The following SLC4A4 variants were observed in gnomAD, a reference collection of about 807,000 sequenced individuals.
SLC4A4 encodes the protein solute carrier family 4 member 4, also known as electrogenic sodium bicarbonate cotransporter 1.
SLC4A4 carries 27 observed loss-of-function variants against 111.5 expected under a neutral mutation model. That is an observed-to-expected ratio of 0.24 (90% CI 0.18 to 0.33). The LOEUF is 0.33. Ranked by LOEUF, SLC4A4 falls within the 10% of genes least tolerant of loss-of-function variation. SLC4A4 has a pLI of 1.00. For missense variants in SLC4A4, 909 were observed against 1,315.5 expected (o/e 0.69, Z 4.78); for synonymous variants, 443 against 463.4 (o/e 0.96, Z 0.57).
intron 1 of SLC4A4, among the ~76,000 whole-genome samples, chr4:71,221,169 A>C (rs1206731957): frequency 6.6e-6 from 1 of 152,224 alleles, no homozygotes; most frequent in African/African-American, 2.4e-5. Flanking sequence ...ATAGTGCTGC[A>C]GTGAACATTC....
rs1208660425 is a variant in SLC4A4, at chr4:71,114,351, A to C, written c.-2+21559A>C. 8.6e-5 allele frequency among the ~76,000 whole-genome samples: 13 copies of C among 151,876 alleles called. No homozygotes were observed. The South Asian group carries it at 1.9e-3, about 22-fold the overall frequency. On this transcript the variant is annotated intron_variant, in intron 2 of 26. Transcript: ENST00000649996. ...TTGACAAATGGGATCTAATTAAACT[A>C]AAGAGCTTCTGCACAGCAAAAGAAA...
chr4:71,493,669 G>A (rs906827530), intron 15 of SLC4A4, among the ~76,000 whole-genome samples: 4 of 149,918 alleles, frequency 2.7e-5, no homozygotes, highest in East Asian at 2.0e-4. Context: ...CTCTTTCTCC[G>A]TCCCTCTCTC....
chr4:71,447,368 A>G (rs1725331348), intron 8 of SLC4A4, among the ~76,000 whole-genome samples: 1 of 152,226 alleles, frequency 6.6e-6, no homozygotes, highest in Admixed American at 6.5e-5. Context: ...AATGACTCAT[A>G]TTAAGCACTT....
intron 12 of SLC4A4, among the ~76,000 whole-genome samples, chr4:71,455,336 T>C (rs1726140327): frequency 6.6e-6 from 1 of 152,232 alleles, no homozygotes; most frequent in Non-Finnish European, 1.5e-5. Flanking sequence ...GAGCATGTTT[T>C]TCTCCTTTTC....
intron 3 of SLC4A4, among the ~76,000 whole-genome samples, chr4:71,288,846 C>T (rs933577879): frequency 4.6e-5 from 7 of 152,166 alleles, no homozygotes; most frequent in African/African-American, 1.4e-4. Context: ...GTATTTCTCT[C>T]ATTCCATCTT....
At chr4:71,499,989 T>G (rs964157360) in intron 16 of SLC4A4, among the ~76,000 whole-genome samples, 1 of 152,188 alleles carries the variant, frequency 6.6e-6, no homozygotes, top group African/African-American at 2.4e-5. Context: ...TTTTATTTTT[T>G]GGGGGAAACT....
intron 10 of SLC4A4, 129 bp from the exon 11 acceptor site, chr4:71,451,059 A>G: frequency 1.4e-6 from 1 of 714,190 alleles, no homozygotes; most frequent in African/African-American, 1.7e-5. Context: ...GTTAGATAGC[A>G]GAAAGAAATA....
upstream of SLC4A4, among the ~76,000 whole-genome samples, chr4:71,184,892 T>G (rs1745404307): frequency 6.6e-6 from 1 of 152,210 alleles, no homozygotes; most frequent in South Asian, 2.1e-4. Context: ...AATTGTGGGA[T>G]AGCAAACATC....
chr4:71,250,836 A>T (rs1422803088), intron 2 of SLC4A4, among the ~76,000 whole-genome samples: 1 of 152,208 alleles, frequency 6.6e-6, no homozygotes, highest in Non-Finnish European at 1.5e-5. Flanking sequence ...GAACAGAGAC[A>T]TATTTCTCCT....
Position 71,568,884 on chromosome 4 carries a change from G to A in SLC4A4, c.*1133G>A, listed in dbSNP as rs1238199825. On this transcript the variant is annotated 3_prime_UTR_variant, in exon 26 of 26. Transcript: ENST00000264485. Reference sequence around the variant, plus strand: ...TTTAAAAGAAACTTAACTGTTCTATGAAGGAGATTGAGGGAGAAGAGACAA... The same window carrying A: ...TTTAAAAGAAACTTAACTGTTCTATAAAGGAGATTGAGGGAGAAGAGACAA... 6.6e-6 allele frequency: 1 copy of A among 151,848 alleles called. No individual in the cohort carries two copies. The highest frequency in any genetic ancestry group is 2.4e-5 in the African/African-American group (1 of 41,370). 9.4% of individuals were successfully genotyped at this position (151,848 alleles called of 1,614,324 possible). A position where few individuals can be genotyped will look rare whatever the true frequency, so the allele number is the denominator to read the frequency against.
At chr4:71,253,396 A>G (rs761716458) in intron 2 of SLC4A4, among the ~76,000 whole-genome samples, 9 of 152,224 alleles carry the variant, frequency 5.9e-5, no homozygotes, top group Non-Finnish European at 1.2e-4. Context: ...TCATATGGCA[A>G]TATAGCTTAA....
intron 6 of SLC4A4, among the ~76,000 whole-genome samples, chr4:71,373,205 A>G (rs1326758177): frequency 6.6e-6 from 1 of 152,200 alleles, no homozygotes; most frequent in Non-Finnish European, 1.5e-5. Flanking sequence ...ATCAGAGGGA[A>G]GGAGATAAGG....
intron 3 of SLC4A4, among the ~76,000 whole-genome samples, chr4:71,314,021 C>A (rs1225287775): frequency 1.3e-5 from 2 of 152,074 alleles, no homozygotes; most frequent in Non-Finnish European, 2.9e-5. Context: ...ATCTATCCAT[C>A]TGACAAAGGT....
At chr4:71,502,715 C>T (rs937644370) in intron 16 of SLC4A4, among the ~76,000 whole-genome samples, 10 of 152,078 alleles carry the variant, frequency 6.6e-5, no homozygotes, top group African/African-American at 2.4e-4. Context: ...TCTCTGTTTT[C>T]TTAAATTTTC....
intron 1 of SLC4A4, among the ~76,000 whole-genome samples, chr4:71,069,267 A>T (rs1741608172): frequency 6.6e-6 from 1 of 152,236 alleles, no homozygotes; most frequent in South Asian, 2.1e-4. Flanking sequence ...AAGAAACTTT[A>T]CAAGGATTAG....
chr4:71,160,314 T>C (rs982915203), intron 2 of SLC4A4, among the ~76,000 whole-genome samples: 2 of 150,826 alleles, frequency 1.3e-5, no homozygotes, highest in African/African-American at 2.5e-5. Context: ...TATTCATGTG[T>C]CTGGGTGAGT....
intron 7 of SLC4A4, among the ~76,000 whole-genome samples, chr4:71,419,732 A>G (rs1162905934): frequency 1.3e-5 from 2 of 152,190 alleles, no homozygotes; most frequent in Non-Finnish European, 2.9e-5. Flanking sequence ...GGCACTCCCT[A>G]GTGAGATGAA....
At chr4:71,424,504 G>T (rs1417945944) in intron 7 of SLC4A4, among the ~76,000 whole-genome samples, 2 of 151,946 alleles carry the variant, frequency 1.3e-5, no homozygotes, top group Non-Finnish European at 2.9e-5. Flanking sequence ...TATACCCAAA[G>T]GACTATAAAT....
intron 1 of SLC4A4, among the ~76,000 whole-genome samples, chr4:71,066,124 G>T (rs1741510731): frequency 6.6e-6 from 1 of 152,116 alleles, no homozygotes; most frequent in Non-Finnish European, 1.5e-5. Flanking sequence ...AAATGACTGG[G>T]CTTTTATAGA....
Sources: allele counts gnomAD v4.1 joint callset (sites outside exome capture counted in the v4.1 genomes callset), GRCh38; gene constraint gnomAD v4.1.1; transcripts MANE v1.5; gene names NCBI Gene and HGNC (gene_info 2026-07-23, HGNC 2026-07-21).